The following NT5DC1 variants were observed in gnomAD, a reference collection of about 807,000 sequenced individuals.
NT5DC1 encodes the protein 5'-nucleotidase domain containing 1.
Under a neutral mutation model 59.4 loss-of-function variants are expected in NT5DC1, and 42 were observed. The observed-to-expected ratio is 0.71, with a 90% CI of 0.55 to 0.92. The LOEUF is 0.92. Among genes scored for constraint, NT5DC1 ranks in the 40% least tolerant of loss-of-function variants. NT5DC1 has a pLI of 0.00. For missense variants in NT5DC1, 501 were observed against 537.1 expected, an observed-to-expected ratio of 0.93 and a Z score of 0.66; for synonymous variants, 172 against 188.1, an observed-to-expected ratio of 0.91 and a Z score of 0.70.
chr6:116,231,124 AAAG>A (rs1782010603), intron 8 of NT5DC1, among the ~76,000 whole-genome samples: 1 of 143,310 alleles, frequency 7.0e-6, no homozygotes, highest in Non-Finnish European at 1.5e-5. Context: ...AAAAAAAAAA[AAAG>A]AACTATGAAT....
At chr6:116,149,933 T>C (rs1349870868) in intron 6 of NT5DC1, among the ~76,000 whole-genome samples, 1 of 152,178 alleles carries the variant, frequency 6.6e-6, no homozygotes. Context: ...CACTCACAGG[T>C]AGGTAAGGTT....
intron 6 of NT5DC1, among the ~76,000 whole-genome samples, chr6:116,123,618 TTTG>T (rs1779203496): frequency 6.6e-6 from 1 of 152,176 alleles, no homozygotes; most frequent in South Asian, 2.1e-4. Context: ...GTAATAACTC[TTTG>T]AATTCCTGTT....
At chr6:116,187,970 T>C (rs1409028544) in intron 6 of NT5DC1, among the ~76,000 whole-genome samples, 1 of 152,008 alleles carries the variant, frequency 6.6e-6, no homozygotes, top group Non-Finnish European at 1.5e-5. Context: ...AAGACTTTTA[T>C]CTAGTGTAAA....
At chr6:116,211,987 C>T (rs1265851190) in intron 6 of NT5DC1, among the ~76,000 whole-genome samples, 1 of 151,970 alleles carries the variant, frequency 6.6e-6, no homozygotes, top group East Asian at 1.9e-4. Flanking sequence ...GATAAGAACC[C>T]AGGCTTAGGG....
intron 6 of NT5DC1, among the ~76,000 whole-genome samples, chr6:116,178,140 A>G (rs1199080146): frequency 6.9e-6 from 1 of 145,232 alleles, no homozygotes; most frequent in Non-Finnish European, 1.5e-5. Flanking sequence ...TGTGTTTACT[A>G]GTGGGACTGG....
chr6:116,168,699 G>GT (rs1183801600), intron 6 of NT5DC1, among the ~76,000 whole-genome samples: 11 of 151,266 alleles, frequency 7.3e-5, no homozygotes, highest in East Asian at 5.8e-4. Flanking sequence ...ACTAGCTATT[G>GT]TTTTTTTTAA....
intron 6 of NT5DC1, chr6:116,118,187 C>T (rs1224589438): frequency 2.5e-5 from 12 of 476,306 alleles, no homozygotes; most frequent in African/African-American, 9.9e-5. Flanking sequence ...ACGCCTGCCA[C>T]GAGGGTCATT....
intron 4 of NT5DC1, among the ~76,000 whole-genome samples, chr6:116,111,544 C>T (rs1778875490): frequency 6.6e-6 from 1 of 152,092 alleles, no homozygotes; most frequent in African/African-American, 2.4e-5. Flanking sequence ...TATAAATAGA[C>T]CTTATTAAAA....
intron 5 of NT5DC1, 82 bp downstream of exon 5, chr6:116,115,852 T>G: frequency 4.4e-6 from 3 of 677,764 alleles, no homozygotes. Flanking sequence ...GCTTCTGAGT[T>G]GTGATTTTGC....
intron 6 of NT5DC1, among the ~76,000 whole-genome samples, chr6:116,182,993 T>C (rs1381880685): frequency 1.3e-5 from 2 of 152,138 alleles, no homozygotes; most frequent in Non-Finnish European, 2.9e-5. Flanking sequence ...TTTTCTAGAA[T>C]TGTTATGGTT....
At chr6:116,127,962 G>C (rs1439200461) in intron 6 of NT5DC1, among the ~76,000 whole-genome samples, 1 of 151,988 alleles carries the variant, frequency 6.6e-6, no homozygotes, top group Non-Finnish European at 1.5e-5. Context: ...GAAAAGTTTG[G>C]ACTAGGTGGT....
Position 116,238,224 on chromosome 6 carries a change from TC to T in NT5DC1, c.962del (p.Pro321GlnfsTer34). On this transcript the variant is annotated frameshift_variant, in exon 10 of 12. Transcript: ENST00000319550. LOFTEE classifies it high-confidence loss of function. ...YFGDSMHSDIFPARHYSNWET... is the reference protein window; with the variant it reads ...YFGDSMHSDIXPARHYSNWET... ...GGTGACAGCATGCATTCAGATATTTTCCCAGCTCGTCACTATAGTAATTGGG... is the reference window on the plus strand; with the variant it reads ...GGTGACAGCATGCATTCAGATATTTTCCAGCTCGTCACTATAGTAATTGGG... 1 of 1,612,408 alleles carries T rather than the reference TC, an allele frequency of 6.2e-7. No homozygotes were observed. The highest frequency in any genetic ancestry group is 8.5e-7 in the Non-Finnish European group (1 of 1,178,970).
chr6:116,187,026 A>G (rs1781016187), intron 6 of NT5DC1, among the ~76,000 whole-genome samples: 1 of 151,960 alleles, frequency 6.6e-6, no homozygotes, highest in Non-Finnish European at 1.5e-5. Flanking sequence ...CTCAAGGGCT[A>G]CCGTTCAGAT....
At chr6:116,145,633 C>T (rs999839951) in intron 6 of NT5DC1, 1 of 160,674 alleles carries the variant, frequency 6.2e-6, no homozygotes, top group Non-Finnish European at 1.4e-5. Flanking sequence ...ATAATCTACT[C>T]TTAACATTTT....
At chr6:116,115,611 T>A (rs1778948184) in intron 4 of NT5DC1, 80 bp from the exon 5 acceptor site, 2 of 667,886 alleles carry the variant, frequency 3.0e-6, no homozygotes. Context: ...AAATCTAGTG[T>A]CTCTTCAGCC....
chr6:116,216,752 A>T (rs902589119), intron 6 of NT5DC1, among the ~76,000 whole-genome samples: 2 of 152,142 alleles, frequency 1.3e-5, no homozygotes, highest in Non-Finnish European at 2.9e-5. Flanking sequence ...TAAACAAAAT[A>T]AATTTATCTC....
intron 6 of NT5DC1, among the ~76,000 whole-genome samples, chr6:116,144,478 T>A (rs1018029758): frequency 6.6e-6 from 1 of 150,928 alleles, no homozygotes; most frequent in East Asian, 1.9e-4. Flanking sequence ...TCCAGCCTGA[T>A]GACAGAGCGA....
At chr6:116,140,055 A>G (rs1475222555) in intron 6 of NT5DC1, among the ~76,000 whole-genome samples, 2 of 152,188 alleles carry the variant, frequency 1.3e-5, no homozygotes, top group South Asian at 2.1e-4. Context: ...CTGAAGCCCA[A>G]GGTGTTGAGG....
At chr6:116,145,379 T>G in intron 6 of NT5DC1, 1 of 317,204 alleles carries the variant, frequency 3.2e-6, no homozygotes, top group Non-Finnish European at 7.1e-6. Context: ...AAATTGATGG[T>G]AAGAAGAAAT....
Sources: allele counts gnomAD v4.1 joint callset (sites outside exome capture counted in the v4.1 genomes callset), GRCh38; gene constraint gnomAD v4.1.1; transcripts MANE v1.5; gene names NCBI Gene and HGNC (gene_info 2026-07-23, HGNC 2026-07-21).